The following TJP3 variants were observed in gnomAD, a reference collection of about 807,000 sequenced individuals.
TJP3 encodes the protein tight junction protein 3, also known as tight junction protein ZO-3.
In TJP3, 85 loss-of-function variants were observed where a neutral mutation model predicts 104.2. The ratio of observed to expected loss-of-function variants is 0.82; its 90% CI spans 0.68 to 0.98. The LOEUF (loss-of-function observed/expected upper bound fraction) is 0.98, where lower values mean the gene tolerates loss of function less well. Among genes scored for constraint, TJP3 ranks in the 50% least tolerant of loss-of-function variants. The pLI is 0.00. For missense variants in TJP3, 1,367 were observed against 1,322.8 expected, an observed-to-expected ratio of 1.03 and a Z score of -0.52; for synonymous variants, 550 against 550.6, an observed-to-expected ratio of 1.00 and a Z score of 0.02.
chr19:3,710,326 C>T lies in TJP3; in HGVS notation c.-10+1765C>T, dbSNP rs565959097. 3.3e-5 allele frequency among the ~76,000 whole-genome samples: 5 copies of T among 152,084 alleles called. No homozygotes were observed. In the South Asian group the frequency reaches 1.0e-3, roughly 32 times the overall value. On this transcript the variant is annotated intron_variant, in intron 1 of 20. Coordinates refer to ENST00000541714, the MANE Select transcript of TJP3 (RefSeq NM_001267560.2). ...GCTTCCTGGTTTGTAGAGGATGAAC[C>T]CTGGCTCAGAGAAGGACAGCCGCTT...
intron 1 of TJP3, among the ~76,000 whole-genome samples, chr19:3,718,827 G>A (rs902681024): frequency 3.3e-5 from 5 of 152,090 alleles, no homozygotes; most frequent in African/African-American, 9.7e-5. Flanking sequence ...TGACGTGTGC[G>A]GGCCGGTAGG....
At position 3,716,789 on chromosome 19, in the gene TJP3, A is replaced by ATG. The variant is rs1486359123; in HGVS notation, c.-10+8229_-10+8230insGT. Among the ~76,000 whole-genome samples, 4 of 65,826 alleles carry ATG rather than the reference A, an allele frequency of 6.1e-5. No homozygotes were observed. In the East Asian group the frequency reaches 2.1e-3, roughly 35 times the overall value. The allele number at this position is 65,826 out of a possible 152,430, so 43.2% of individuals were successfully genotyped here. A position where few individuals can be genotyped will look rare whatever the true frequency, so the allele number is the denominator to read the frequency against. On this transcript the variant is annotated intron_variant, in intron 1 of 20. Transcript: ENST00000541714. ...CCACACCCAGCTCATACATATATAT[A>ATG]TATATATATATATTTTTTTTTTTTT...
intron 10 of TJP3, 83 bp downstream of exon 10, chr19:3,736,018 T>G (rs2036734465): frequency 1.9e-6 from 3 of 1,592,764 alleles, no homozygotes; most frequent in Middle Eastern, 1.7e-4. Flanking sequence ...CCTGCCTGCT[T>G]GTATCCATTG....
At chr19:3,714,793 T>C (rs576345494) in intron 1 of TJP3, among the ~76,000 whole-genome samples, 1 of 151,956 alleles carries the variant, frequency 6.6e-6, no homozygotes, top group East Asian at 2.0e-4. Flanking sequence ...TCAGAAGGGG[T>C]TGAGCTGGCT....
intron 1 of TJP3, among the ~76,000 whole-genome samples, chr19:3,723,797 G>GA (rs71339060): frequency 0.061 from 7,684 of 125,594 alleles, 238 homozygotes; most frequent in East Asian, 0.088. Context: ...TGTCTCAAAA[G>GA]AAAAAAAAAA....
rs145305162 is a variant in TJP3 at position 3,737,348 on chromosome 19, G to A, written c.1284+1027G>A. Reference sequence around the variant, plus strand: ...AATCCTCTTGTTCCTGACATTGGCTGTGTTGACCGTGTCATGACCGTCTTG... The same window carrying A: ...AATCCTCTTGTTCCTGACATTGGCTATGTTGACCGTGTCATGACCGTCTTG... On this transcript the variant is annotated intron_variant, in intron 11 of 20. Transcript: ENST00000541714. Among the ~76,000 whole-genome samples, 149 of 152,206 alleles carry A rather than the reference G, an allele frequency of 9.8e-4. 2 individuals are homozygous for A. The highest frequency in any genetic ancestry group is 3.4e-3 in the African/African-American group (143 of 41,540).
At chr19:3,719,178 G>A (rs2036519243) in intron 1 of TJP3, among the ~76,000 whole-genome samples, 1 of 152,062 alleles carries the variant, frequency 6.6e-6, no homozygotes, top group South Asian at 2.1e-4. Context: ...ATGAGTGTCC[G>A]TCTTGGGGGG....
At position 3,736,496 on chromosome 19, in the gene TJP3, G is replaced by A. The variant is rs370622753; in HGVS notation, c.1284+175G>A. On this transcript the variant is annotated intron_variant, in intron 11 of 20. Coordinates refer to ENST00000541714, the MANE Select transcript of TJP3 (RefSeq NM_001267560.2). ...TGTGTCATGATTTTGCTGATGTCAC[G>A]ACCTTATCTTCCAGGTCATGACCTC... Among the ~76,000 whole-genome samples, 11 of 152,288 alleles carry A rather than the reference G, an allele frequency of 7.2e-5. No individual in the cohort carries two copies. In the East Asian group the frequency reaches 1.7e-3, roughly 24 times the overall value.
At chr19:3,716,626 ATTTC>A (rs2036479251) in intron 1 of TJP3, among the ~76,000 whole-genome samples, 2 of 144,882 alleles carry the variant, frequency 1.4e-5, no homozygotes, top group African/African-American at 4.9e-5. Context: ...TAACCCACTT[ATTTC>A]TTTATTTATT....
chr19:3,736,625 G>T (rs1024338939), intron 11 of TJP3, among the ~76,000 whole-genome samples: 1 of 152,064 alleles, frequency 6.6e-6, no homozygotes, highest in Non-Finnish European at 1.5e-5. Flanking sequence ...GCCCAGGCTG[G>T]AGTGCAATGG....
In TJP3 at chr19:3,716,918, C is replaced by G. The variant is rs1178454866; in HGVS notation, c.-10+8357C>G. Reference sequence around the variant, plus strand: ...GGTTCAAGTGATTCTCCTGCCTCAGCCTCCCGAGTACCTGGGATTACAGGC... The same window carrying G: ...GGTTCAAGTGATTCTCCTGCCTCAGGCTCCCGAGTACCTGGGATTACAGGC... On this transcript the variant is annotated intron_variant, in intron 1 of 20. Transcript: ENST00000541714. Among the ~76,000 whole-genome samples the G allele has an allele frequency of 4.9e-5, 7 of 142,958 alleles. No homozygotes were observed. The East Asian group carries it at 1.2e-3, about 25-fold the overall frequency. 93.8% of individuals were successfully genotyped at this position (142,958 alleles called of 152,430 possible).
At chr19:3,721,940 A>C in intron 1 of TJP3, 1 of 526,394 alleles carries the variant, frequency 1.9e-6, no homozygotes. Context: ...TGGCAGGGGG[A>C]GGGGCTCGGG....
chr19:3,740,418 A>C (rs2036797467), intron 13 of TJP3, 134 bp from the exon 14 acceptor site: 3 of 431,622 alleles, frequency 7.0e-6, no homozygotes, highest in Non-Finnish European at 1.2e-5. Context: ...AATAGTAATA[A>C]TAATCCCATC....
chr19:3,717,492 G>A lies in TJP3; in HGVS notation c.-10+8931G>A, dbSNP rs575951248. ...GCCCTGTCACCCAGGCTGGAGTGCA[G>A]TGGCGTGATCTCAGCTCACTGCAAC... On this transcript the variant is annotated intron_variant, in intron 1 of 20. Coordinates refer to ENST00000541714, the MANE Select transcript of TJP3 (RefSeq NM_001267560.2). Among the ~76,000 whole-genome samples, 13 of 150,682 alleles carry A rather than the reference G, an allele frequency of 8.6e-5. No homozygotes were observed. In the South Asian group the frequency reaches 2.1e-3, roughly 24 times the overall value.
intron 19 of TJP3, among the ~76,000 whole-genome samples, chr19:3,748,486 TCTTGAACTCCTGAC>T: frequency 6.6e-6 from 1 of 151,784 alleles, no homozygotes; most frequent in Admixed American, 6.6e-5. Flanking sequence ...GTCAGGCTGG[TCTTGAACTCCTGAC>T]CTTGTAATCC....
intron 15 of TJP3, among the ~76,000 whole-genome samples, chr19:3,744,612 C>T (rs760230884): frequency 4.8e-5 from 7 of 145,910 alleles, no homozygotes; most frequent in East Asian, 4.1e-4. Context: ...TGCAGTGAGC[C>T]GAGGTCATGC....
chr19:3,735,702 C>G, intron 9 of TJP3, 63 bp downstream of exon 9: 1 of 1,601,918 alleles, frequency 6.2e-7, no homozygotes, highest in Non-Finnish European at 8.6e-7. Flanking sequence ...CAAGGCTGTG[C>G]CAGGCAGAGC....
chr19:3,734,619 T>A (rs548487378), intron 8 of TJP3, among the ~76,000 whole-genome samples, 184 bp downstream of exon 8: 2 of 152,324 alleles, frequency 1.3e-5, no homozygotes, highest in East Asian at 3.9e-4. Context: ...GTGTCCGCAT[T>A]TGTAGGTGTT....
Position 3,747,963 on chromosome 19 carries a change from C to T in TJP3, c.2492C>T (p.Thr831Met), listed in dbSNP as rs769089585. 18 of 1,612,752 alleles carry T rather than the reference C, an allele frequency of 1.1e-5. No homozygotes were observed. Among genetic ancestry groups the T allele is most frequent in the Admixed American group, 8.3e-5 (5 of 59,984 alleles). The change falls in exon 19 of 21, where the codon ACG becomes ATG. Residue 831 changes from threonine to methionine, a missense_variant. Transcript: ENST00000541714. ...GYTDGEGGPYTDVDDEPPAPA... is the reference protein window; with the variant it reads ...GYTDGEGGPYMDVDDEPPAPA... Reference sequence around the variant, plus strand: ...ACAGACGGCGAGGGGGGGCCCTACACGGATGTGGATGATGAGCCCCCGGCT... The same window carrying T: ...ACAGACGGCGAGGGGGGGCCCTACATGGATGTGGATGATGAGCCCCCGGCT...
Sources: allele counts gnomAD v4.1 joint callset (sites outside exome capture counted in the v4.1 genomes callset), GRCh38; gene constraint gnomAD v4.1.1; transcripts MANE v1.5; gene names NCBI Gene and HGNC (gene_info 2026-07-23, HGNC 2026-07-21).